The following SEL1L variants were observed in gnomAD, a reference collection of about 807,000 sequenced individuals.
The protein encoded by SEL1L is protein sel-1 homolog 1.
Under a neutral mutation model 109.8 loss-of-function variants are expected in SEL1L, and 52 were observed. The ratio of observed to expected loss-of-function variants is 0.47; its 90% CI spans 0.38 to 0.60. The LOEUF (loss-of-function observed/expected upper bound fraction) is 0.60. SEL1L is among the 20% of genes least tolerant of loss of function. SEL1L has a pLI of 0.00. For synonymous variants in SEL1L, 373 were observed against 339.6 expected (o/e 1.10, Z -1.08); for missense variants, 749 against 962.2 (o/e 0.78, Z 2.93).
intron 8 of SEL1L, chr14:81,498,974 A>T: frequency 2.5e-6 from 1 of 398,670 alleles, no homozygotes; most frequent in Non-Finnish European, 3.4e-6. Context: ...CATGAAAAGT[A>T]AAAAACAGAA....
chr14:81,485,279 T>G (rs1019008886), intron 18 of SEL1L, among the ~76,000 whole-genome samples: 3 of 152,144 alleles, frequency 2.0e-5, no homozygotes, highest in Non-Finnish European at 4.4e-5. Context: ...GCTTAATTAA[T>G]TATTTTATTG....
intron 12 of SEL1L, among the ~76,000 whole-genome samples, chr14:81,490,882 C>T (rs1371332881): frequency 6.6e-6 from 1 of 151,900 alleles, no homozygotes; most frequent in Admixed American, 6.6e-5. Flanking sequence ...GACTGGGCCA[C>T]AAAGCAAGAC....
chr14:81,502,668 T>G, intron 6 of SEL1L, 53 bp downstream of exon 6: 1 of 1,558,686 alleles, frequency 6.4e-7, no homozygotes, highest in South Asian at 1.2e-5. Context: ...AAACTGCTTT[T>G]AAAACTAACA....
chr14:81,522,267 G>A (rs990639418), intron 3 of SEL1L, among the ~76,000 whole-genome samples: 6 of 152,150 alleles, frequency 3.9e-5, no homozygotes, highest in Non-Finnish European at 4.4e-5. Context: ...AAAGTTTACA[G>A]TGGTGTACAG....
chr14:81,481,771 G>T (rs1031415075), intron 19 of SEL1L, among the ~76,000 whole-genome samples: 2 of 152,142 alleles, frequency 1.3e-5, no homozygotes, highest in South Asian at 2.1e-4. Flanking sequence ...AGTGGCTCAC[G>T]CCTGTAATCC....
intron 10 of SEL1L, 78 bp downstream of exon 10, chr14:81,497,814 T>A: frequency 7.6e-7 from 1 of 1,315,124 alleles, no homozygotes; most frequent in Non-Finnish European, 1.1e-6. Flanking sequence ...CTTACAGATA[T>A]AAGTGCTTGC....
intron 17 of SEL1L, 64 bp from the exon 18 acceptor site, chr14:81,485,810 T>C: frequency 7.4e-7 from 1 of 1,358,694 alleles, no homozygotes. Context: ...TTAATTTTCA[T>C]TTGCAAAGTA....
At chr14:81,492,635 TA>T in intron 11 of SEL1L, 87 bp from the exon 12 acceptor site, 1 of 915,418 alleles carries the variant, frequency 1.1e-6, no homozygotes, top group Non-Finnish European at 1.7e-6. Flanking sequence ...CAGGAACATT[TA>T]AAAAATCTTG....
chr14:81,479,675 T>C lies in SEL1L; in HGVS notation c.2112A>G (p.Pro704=), dbSNP rs910953779. ...CCAATTTGCAGAGGGCTAGGAAGAC[T>C]GGAACTTGTGCATCTGGGCTGGCTT... ...AAEASPDAQV[P]VFLALCKLGV... The change falls in exon 20 of 21, where the codon CCA becomes CCG. Residue 704 remains proline, a synonymous_variant. Transcript: ENST00000336735. 2.5e-6 allele frequency: 4 copies of C among 1,614,062 alleles called. No homozygotes were observed. In the African/African-American group the frequency reaches 4.0e-5, roughly 16 times the overall value.
At chr14:81,495,047 C>G in intron 11 of SEL1L, 34 bp downstream of exon 11, 1 of 1,598,822 alleles carries the variant, frequency 6.3e-7, no homozygotes, top group African/African-American at 1.3e-5. Context: ...CCTGCTAAAA[C>G]TGAGATGCAA....
At position 81,476,965 on chromosome 14, in the gene SEL1L, G is replaced by A. The variant is rs376204061; in HGVS notation, c.*7C>T. 2.5e-6 allele frequency: 4 copies of A among 1,613,942 alleles called. No homozygotes were observed. The African/African-American group carries it at 4.0e-5, about 16-fold the overall frequency. The stretch of plus-strand genomic sequence containing the variant: ...CTGTCACTGATCAAGGCTGGACCCA[G>A]TGCCTATTACTGTGGTGGCTGCTGC... On this transcript the variant is annotated 3_prime_UTR_variant, in exon 21 of 21. Coordinates refer to ENST00000336735, the MANE Select transcript of SEL1L (RefSeq NM_005065.6).
intron 9 of SEL1L, 76 bp downstream of exon 9, chr14:81,498,334 GAAC>G: frequency 8.3e-7 from 1 of 1,209,000 alleles, no homozygotes; most frequent in Non-Finnish European, 1.2e-6. Context: ...ACTTCAAATA[GAAC>G]AATAAAAATA....
At chr14:81,513,769 C>T (rs557868210) in intron 3 of SEL1L, among the ~76,000 whole-genome samples, 34 of 152,194 alleles carry the variant, frequency 2.2e-4, no homozygotes, top group Admixed American at 1.4e-3. Flanking sequence ...CCCAACTCTT[C>T]GGAATTGGGA....
chr14:81,487,647 G>A, intron 15 of SEL1L, 109 bp from the exon 16 acceptor site: 1 of 1,515,478 alleles, frequency 6.6e-7, no homozygotes, highest in South Asian at 1.2e-5. Context: ...TTCTTACTGA[G>A]TAAATATGTG....
rs555918967 is a variant in SEL1L, at chr14:81,476,403, C to A, written c.*569G>T. The A allele has an allele frequency of 6.6e-6, 1 of 152,340 alleles. No individual in the cohort carries two copies. Among genetic ancestry groups the A allele is most frequent in the African/African-American group, 2.4e-5 (1 of 41,512 alleles). 9.4% of individuals were successfully genotyped at this position (152,340 alleles called of 1,614,324 possible). The stretch of plus-strand genomic sequence containing the variant: ...CTCCCAACCCTCCCTTTTAAAATAA[C>A]AAATATGCTGAATATGTCTAATTGC... On this transcript the variant is annotated 3_prime_UTR_variant, in exon 21 of 21. Coordinates refer to ENST00000336735, the MANE Select transcript of SEL1L (RefSeq NM_005065.6).
At chr14:81,499,298 A>C (rs965216852) in intron 8 of SEL1L, 161 bp downstream of exon 8, 1 of 1,326,722 alleles carries the variant, frequency 7.5e-7, no homozygotes, top group Non-Finnish European at 9.6e-7. Context: ...TGTAGATTCC[A>C]TGTGTTATAT....
chr14:81,527,274 A>C (rs1235699409), intron 2 of SEL1L, among the ~76,000 whole-genome samples: 1 of 152,060 alleles, frequency 6.6e-6, no homozygotes, highest in Non-Finnish European at 1.5e-5. Flanking sequence ...TTTTATCTAC[A>C]TTCCCTCAAA....
At chr14:81,498,546 A>G (rs1226436925) in intron 8 of SEL1L, 52 bp from the exon 9 acceptor site, 6 of 1,353,018 alleles carry the variant, frequency 4.4e-6, no homozygotes, top group Non-Finnish European at 6.3e-6. Flanking sequence ...CTTCAGTGTC[A>G]TTCTTCGTGG....
At position 81,526,980 on chromosome 14, in the gene SEL1L, AT is replaced by A; in HGVS notation, c.109-17del. On this transcript the variant is annotated splice_polypyrimidine_tract_variant and intron_variant, in intron 2 of 20. Transcript: ENST00000336735. ...TCAAAGTAGTCTGAGAATATAAAGT[AT>A]TTTTAGTTATCAACAATGCCAAGAC... 1 of 1,578,014 alleles carries A rather than the reference AT, an allele frequency of 6.3e-7. No homozygotes were observed. Among genetic ancestry groups the A allele is most frequent in the Non-Finnish European group, 8.7e-7 (1 of 1,148,060 alleles).
Sources: allele counts gnomAD v4.1 joint callset (sites outside exome capture counted in the v4.1 genomes callset), GRCh38; gene constraint gnomAD v4.1.1; transcripts MANE v1.5; gene names NCBI Gene and HGNC (gene_info 2026-07-23, HGNC 2026-07-21).